Variants in SYT2 observed in about 807,000 individuals in gnomAD.
SYT2 encodes synaptotagmin-2.
Under a neutral mutation model 39.9 loss-of-function variants are expected in SYT2, and 15 were observed. The observed-to-expected ratio is 0.38, with a 90% CI of 0.25 to 0.58. SYT2 has a LOEUF of 0.58. Ranked by LOEUF, SYT2 falls within the 20% of genes least tolerant of loss-of-function variation. The probability of loss-of-function intolerance (pLI) is 0.70; values close to 1 mark genes in which losing one functional copy is unlikely to be tolerated. For synonymous variants in SYT2, 181 were observed against 204.5 expected (o/e 0.89, Z 0.98); for missense variants, 389 against 530.3 (o/e 0.73, Z 2.62).
intron 1 of SYT2, among the ~76,000 whole-genome samples, chr1:202,662,102 C>G (rs1692392929): frequency 6.6e-6 from 1 of 152,288 alleles, no homozygotes; most frequent in South Asian, 2.1e-4. Flanking sequence ...GCCCAGGAGC[C>G]ACGGGACCCT....
At chr1:202,654,587 C>T (rs1159246369) in intron 1 of SYT2, among the ~76,000 whole-genome samples, 1 of 152,190 alleles carries the variant, frequency 6.6e-6, no homozygotes, top group Non-Finnish European at 1.5e-5. Context: ...CAAGGTTGTG[C>T]CCTCATGGGG....
chr1:202,700,221 G>A (rs368510880), intron 1 of SYT2, among the ~76,000 whole-genome samples: 1 of 152,080 alleles, frequency 6.6e-6, no homozygotes, highest in African/African-American at 2.4e-5. Flanking sequence ...CCTCCACCCC[G>A]TGCAGCTCTG....
chr1:202,698,332 C>G (rs545556121), intron 1 of SYT2, among the ~76,000 whole-genome samples: 1 of 152,088 alleles, frequency 6.6e-6, no homozygotes, highest in Non-Finnish European at 1.5e-5. Flanking sequence ...CAGCCCTGTG[C>G]CCGCTGAAGA....
chr1:202,672,782 A>G (rs185615234), intron 1 of SYT2, among the ~76,000 whole-genome samples: 525 of 30,474 alleles, frequency 0.017, no homozygotes, highest in South Asian at 0.025. Context: ...AGGGAGGGAG[A>G]GAGAGAGAGA....
At chr1:202,625,131 GTGTGGCGTGTA>G (rs1691351767) in intron 1 of SYT2, among the ~76,000 whole-genome samples, 1 of 460 alleles carries the variant, frequency 2.2e-3, no homozygotes, top group Non-Finnish European at 4.2e-3. Flanking sequence ...TGTGTCGTGT[GTGTGGCGTGTA>G]ATAGGGTGTG....
intron 1 of SYT2, among the ~76,000 whole-genome samples, chr1:202,664,349 T>C (rs558011415): frequency 2.1e-4 from 32 of 152,330 alleles, no homozygotes; most frequent in Middle Eastern, 3.4e-3. Context: ...GTCTCCATCA[T>C]TGGCCTCATT....
At chr1:202,658,683 T>C (rs1398534685) in intron 1 of SYT2, among the ~76,000 whole-genome samples, 1 of 151,642 alleles carries the variant, frequency 6.6e-6, no homozygotes, top group Non-Finnish European at 1.5e-5. Context: ...TAGTTTTTTT[T>C]TTTTTCCTAA....
chr1:202,705,722 CT>C (rs33940077), intron 1 of SYT2, among the ~76,000 whole-genome samples: 227 of 144,944 alleles, frequency 1.6e-3, no homozygotes, highest in Middle Eastern at 3.6e-3. Flanking sequence ...TTTGGGAGTC[CT>C]TTTTTTTTTT....
chr1:202,602,768 G>A (rs1448780329), intron 4 of SYT2, among the ~76,000 whole-genome samples: 1 of 152,200 alleles, frequency 6.6e-6, no homozygotes, highest in Non-Finnish European at 1.5e-5. Flanking sequence ...CTTGCCCAAG[G>A]TTGGTGGGGA....
At chr1:202,626,684 T>G (rs1479306839) in intron 1 of SYT2, among the ~76,000 whole-genome samples, 3 of 151,950 alleles carry the variant, frequency 2.0e-5, no homozygotes, top group African/African-American at 7.3e-5. Flanking sequence ...CCTCTCAGCT[T>G]TTAGAACCCA....
intron 1 of SYT2, among the ~76,000 whole-genome samples, chr1:202,649,726 T>C (rs1470611312): frequency 1.3e-5 from 2 of 152,206 alleles, no homozygotes; most frequent in Admixed American, 6.5e-5. Flanking sequence ...TCCTACCTCA[T>C]CCCTGTAACT....
At position 202,599,530 on chromosome 1, in the gene SYT2, C is replaced by T. The variant is rs1204822875; in HGVS notation, c.920-179G>A. Among the ~76,000 whole-genome samples, 2 of 152,128 alleles carry T rather than the reference C, an allele frequency of 1.3e-5. No individual in the cohort carries two copies. Among genetic ancestry groups the T allele is most frequent in the Non-Finnish European group, 1.5e-5 (1 of 68,022 alleles). ...TCAAAGGTGGCAAAAGGCTTCACCT[C>T]CAGGACCAACTGTGACCAGTTGGTT... On this transcript the variant is annotated intron_variant, in intron 7 of 8. Transcript: ENST00000367268. The surrounding 1 kb of genome is among the most constrained non-coding windows in gnomAD (Gnocchi z 4.4).
intron 8 of SYT2, among the ~76,000 whole-genome samples, chr1:202,597,479 G>A (rs1386473868): frequency 6.6e-6 from 1 of 152,116 alleles, no homozygotes; most frequent in Non-Finnish European, 1.5e-5. Flanking sequence ...GATTTGCTTG[G>A]GTAGAGGCAT....
rs147633320 is a variant in SYT2 at position 202,661,657 on chromosome 1, G to A, written c.-18+48601C>T. 2.1e-4 allele frequency among the ~76,000 whole-genome samples: 32 copies of A among 152,168 alleles called. No individual in the cohort carries two copies. The East Asian group carries it at 2.3e-3, about 11-fold the overall frequency. ...CATCCATCACTGGCCTGCCAACTCC[G>A]GTCTCTGCTCCAAGGGGGCAGGTGT... is the stretch of plus-strand genomic sequence containing the variant. On this transcript the variant is annotated intron_variant, in intron 1 of 8. Transcript: ENST00000367268.
At chr1:202,687,733 T>C (rs566301594) in intron 1 of SYT2, among the ~76,000 whole-genome samples, 3 of 150,720 alleles carry the variant, frequency 2.0e-5, no homozygotes, top group South Asian at 4.2e-4. Flanking sequence ...GCCAACAGCA[T>C]ATGCGGCTCA....
At chr1:202,629,727 G>C (rs1424604547) in intron 1 of SYT2, among the ~76,000 whole-genome samples, 1 of 152,118 alleles carries the variant, frequency 6.6e-6, no homozygotes, top group Non-Finnish European at 1.5e-5. Flanking sequence ...AAATTAGCCA[G>C]GCATGGTAGT....
At chr1:202,695,532 G>C (rs925409612) in intron 1 of SYT2, among the ~76,000 whole-genome samples, 1 of 152,344 alleles carries the variant, frequency 6.6e-6, no homozygotes, top group Admixed American at 6.5e-5. Context: ...CAGGACAAGA[G>C]AGCAAAGGTG....
intron 1 of SYT2, among the ~76,000 whole-genome samples, chr1:202,642,884 G>A (rs1393130686): frequency 6.6e-6 from 1 of 152,208 alleles, no homozygotes; most frequent in East Asian, 1.9e-4. Context: ...GCGGCGAGTC[G>A]CCTTCGCTTC....
At chr1:202,674,003 A>C (rs1653253640) in intron 1 of SYT2, among the ~76,000 whole-genome samples, 5 of 152,140 alleles carry the variant, frequency 3.3e-5, no homozygotes, top group African/African-American at 1.2e-4. Flanking sequence ...ATGAAGGTCT[A>C]TGTGGCAGGT....
Sources: gnomAD v4.1 joint callset for allele counts (sites outside exome capture counted in the v4.1 genomes callset) on GRCh38, gnomAD v4.1.1 for gene constraint, Gnocchi (gnomAD v3.1) non-coding constraint, MANE v1.5 for transcripts, NCBI Gene and HGNC (gene_info 2026-07-23, HGNC 2026-07-21) for gene names.